The following CHODL variants were observed in gnomAD, a reference collection of about 807,000 sequenced individuals.
CHODL encodes the protein chondrolectin.
CHODL carries 29 observed loss-of-function variants against 34.5 expected under a neutral mutation model. The observed-to-expected ratio is 0.84, with a 90% CI of 0.63 to 1.15. The LOEUF is 1.15. Ranked by LOEUF, CHODL falls within the 50% of genes most tolerant of loss-of-function variation. CHODL has a pLI of 0.00. For synonymous variants in CHODL, 125 were observed against 116.1 expected, an observed-to-expected ratio of 1.08 and a Z score of -0.49; for missense variants, 332 against 332.5, an observed-to-expected ratio of 1.00 and a Z score of 0.01.
At chr21:17,950,497 AACACACACACACACACACACACAC>A (rs200120318) in intron 1 of CHODL, among the ~76,000 whole-genome samples, 2 of 130,276 alleles carry the variant, frequency 1.5e-5, no homozygotes, top group Non-Finnish European at 3.2e-5. Context: ...CTAGATACAC[AACACACACACACACACACACACAC>A]ACACACACAC....
intron 1 of CHODL, among the ~76,000 whole-genome samples, chr21:17,918,628 G>A (rs900157021): frequency 3.3e-5 from 5 of 152,048 alleles, no homozygotes; most frequent in Admixed American, 2.6e-4. Flanking sequence ...GATATGGGTG[G>A]GGACACAGAC....
At chr21:18,126,559 T>TTATTCTTC (rs990005878) in intron 2 of CHODL, among the ~76,000 whole-genome samples, 4 of 152,168 alleles carry the variant, frequency 2.6e-5, no homozygotes, top group African/African-American at 9.7e-5. Context: ...TTGACAATAT[T>TTATTCTTC]TATTCTTCTA....
At chr21:18,117,163 T>C (rs2065423160) in intron 2 of CHODL, among the ~76,000 whole-genome samples, 1 of 152,218 alleles carries the variant, frequency 6.6e-6, no homozygotes. Flanking sequence ...GCTGTCATAA[T>C]AGTAGAAGCT....
chr21:18,093,016 AAAG>A (rs1169582779), intron 2 of CHODL, among the ~76,000 whole-genome samples: 1 of 152,236 alleles, frequency 6.6e-6, no homozygotes, highest in African/African-American at 2.4e-5. Context: ...GATTGATCCC[AAAG>A]AAGACTACAT....
intron 2 of CHODL, among the ~76,000 whole-genome samples, chr21:18,200,082 T>C (rs1333775646): frequency 6.6e-6 from 1 of 152,210 alleles, no homozygotes; most frequent in Non-Finnish European, 1.5e-5. Context: ...CAATGAATGA[T>C]AGTTCTATTT....
intron 1 of CHODL, among the ~76,000 whole-genome samples, chr21:17,946,680 A>G (rs1292347569): frequency 6.6e-6 from 1 of 151,914 alleles, no homozygotes; most frequent in Non-Finnish European, 1.5e-5. Context: ...GTTTCTTTTA[A>G]TGGTGTTTAA....
At chr21:18,193,697 G>GAAAAA (rs1015005875) in intron 2 of CHODL, among the ~76,000 whole-genome samples, 3 of 74,206 alleles carry the variant, frequency 4.0e-5, no homozygotes, top group Non-Finnish European at 6.3e-5. Flanking sequence ...CTCTGTCTCA[G>GAAAAA]AAAAAAAAAA....
intron 2 of CHODL, among the ~76,000 whole-genome samples, chr21:18,028,775 A>G (rs540680823): frequency 6.6e-6 from 1 of 151,672 alleles, no homozygotes; most frequent in Non-Finnish European, 1.5e-5. Context: ...TTACTACTGC[A>G]TAATATACAT....
At chr21:18,229,130 GC>G (rs2073956686) in intron 2 of CHODL, among the ~76,000 whole-genome samples, 1 of 152,070 alleles carries the variant, frequency 6.6e-6, no homozygotes, top group African/African-American at 2.4e-5. Flanking sequence ...ATATGATGGA[GC>G]ATATAAAATA....
intron 1 of CHODL, among the ~76,000 whole-genome samples, chr21:17,988,629 A>G (rs9976474): frequency 0.31 from 37,791 of 120,244 alleles, 6,200 homozygotes; most frequent in Middle Eastern, 0.39. Context: ...ATTCCCACCT[A>G]TGAGTGAGAA....
chr21:18,122,287 A>G (rs951856277), intron 2 of CHODL, among the ~76,000 whole-genome samples: 1 of 152,188 alleles, frequency 6.6e-6, no homozygotes, highest in Non-Finnish European at 1.5e-5. Flanking sequence ...ATTCTTTTTA[A>G]AACCTTTTAA....
intron 2 of CHODL, among the ~76,000 whole-genome samples, chr21:18,048,813 T>C (rs1361007211): frequency 2.0e-5 from 3 of 152,074 alleles, no homozygotes; most frequent in South Asian, 2.1e-4. Context: ...TGCAAGCCTC[T>C]GTCTGACATC....
At chr21:18,164,918 A>G (rs1056099271) in intron 2 of CHODL, among the ~76,000 whole-genome samples, 1 of 152,112 alleles carries the variant, frequency 6.6e-6, no homozygotes, top group Non-Finnish European at 1.5e-5. Flanking sequence ...TCTCCCTCAA[A>G]CAATTCTGTT....
intron 2 of CHODL, among the ~76,000 whole-genome samples, chr21:18,070,206 T>G (rs1157155623): frequency 6.6e-6 from 1 of 151,764 alleles, no homozygotes. Flanking sequence ...AAACACCACC[T>G]GTTCCCCAGA....
intron 2 of CHODL, among the ~76,000 whole-genome samples, chr21:18,082,511 G>T (rs1291099991): frequency 6.6e-6 from 1 of 152,180 alleles, no homozygotes. Flanking sequence ...GTTAAGATAG[G>T]AAGATGGGGG....
At chr21:18,177,872 A>G (rs2073335797) in intron 2 of CHODL, among the ~76,000 whole-genome samples, 1 of 152,142 alleles carries the variant, frequency 6.6e-6, no homozygotes, top group Non-Finnish European at 1.5e-5. Flanking sequence ...AATAAACTTG[A>G]GTTTATTCAA....
chr21:18,222,066 C>A (rs1449532000), intron 2 of CHODL, among the ~76,000 whole-genome samples: 3 of 152,142 alleles, frequency 2.0e-5, no homozygotes, highest in South Asian at 2.1e-4. Flanking sequence ...CCTCAAGACC[C>A]CAAGTGGGAT....
chr21:17,923,264 T>G (rs987405758), intron 1 of CHODL, among the ~76,000 whole-genome samples: 4 of 148,596 alleles, frequency 2.7e-5, no homozygotes, highest in African/African-American at 1.1e-4. Flanking sequence ...AGACTTTGTC[T>G]TTTTCTGCCT....
At chr21:17,927,208 G>A (rs34381035) in intron 1 of CHODL, among the ~76,000 whole-genome samples, 45,518 of 144,062 alleles carry the variant, frequency 0.32, 8,313 homozygotes, top group South Asian at 0.47. Flanking sequence ...ATGTGTGTGT[G>A]TATATATATA....
Sources: allele counts gnomAD v4.1 joint callset (sites outside exome capture counted in the v4.1 genomes callset), GRCh38; gene constraint gnomAD v4.1.1; transcripts MANE v1.5; gene names NCBI Gene and HGNC (gene_info 2026-07-23, HGNC 2026-07-21).